The following MOB1B variants were observed in gnomAD, a reference collection of about 807,000 sequenced individuals.
MOB1B encodes the protein MOB kinase activator 1B.
In MOB1B, 19 loss-of-function variants were observed where a neutral mutation model predicts 24.4. That is an observed-to-expected ratio of 0.78 (90% CI 0.54 to 1.14). MOB1B has a LOEUF of 1.14. Ranked by LOEUF, MOB1B falls within the 50% of genes most tolerant of loss-of-function variation. The probability of loss-of-function intolerance (pLI) is 0.00; values close to 1 mark genes in which losing one functional copy is unlikely to be tolerated. For missense variants in MOB1B, 243 were observed against 259.6 expected (o/e 0.94, Z 0.44); for synonymous variants, 76 against 82.1 (o/e 0.93, Z 0.40).
At chr4:70,957,979 T>TATACAC (rs1738138841) in intron 1 of MOB1B, among the ~76,000 whole-genome samples, 1 of 151,910 alleles carries the variant, frequency 6.6e-6, no homozygotes, top group Admixed American at 6.6e-5. Context: ...TATGTGTATA[T>TATACAC]ATACACATAC....
intron 1 of MOB1B, among the ~76,000 whole-genome samples, chr4:70,929,946 C>T (rs1170992191): frequency 2.0e-5 from 3 of 152,042 alleles, no homozygotes; most frequent in Non-Finnish European, 4.4e-5. Context: ...GTAGAGACAG[C>T]GTCTCCCTAT....
At chr4:70,977,328 T>A (rs1739046752) in intron 4 of MOB1B, among the ~76,000 whole-genome samples, 1 of 152,190 alleles carries the variant, frequency 6.6e-6, no homozygotes, top group Admixed American at 6.5e-5. Flanking sequence ...ATAGATTGTC[T>A]TTTCACTTTG....
Position 70,902,442 on chromosome 4 carries a change from T to G in MOB1B, c.-95T>G. On this transcript the variant is annotated 5_prime_UTR_variant, in exon 1 of 6. Coordinates refer to ENST00000309395, the MANE Select transcript of MOB1B (RefSeq NM_173468.4). ...CTCGGCACCTCCTCCTCCGCCTCCC[T>G]GTCTCCTGTTCCATTCGCCTTTCCT... The G allele has an allele frequency of 1.5e-6, 2 of 1,361,068 alleles. No homozygotes were observed. The highest frequency in any genetic ancestry group is 2.5e-5 in the South Asian group (2 of 80,428). The allele number at this position is 1,361,068 out of a possible 1,614,324, so 84.3% of individuals were successfully genotyped here. A position where few individuals can be genotyped will look rare whatever the true frequency, so the allele number is the denominator to read the frequency against.
chr4:70,926,966 C>T (rs372170661), intron 1 of MOB1B, among the ~76,000 whole-genome samples: 24 of 148,980 alleles, frequency 1.6e-4, no homozygotes, highest in Middle Eastern at 3.5e-3. Context: ...CACTGCACTC[C>T]GGCCTGGGCA....
intron 2 of MOB1B, among the ~76,000 whole-genome samples, chr4:70,967,118 C>T (rs949327617): frequency 6.6e-6 from 1 of 150,708 alleles, no homozygotes. Context: ...TATCCACCAC[C>T]AATATGTTAC....
chr4:70,947,938 T>G (rs1737652888), intron 1 of MOB1B, among the ~76,000 whole-genome samples: 1 of 152,204 alleles, frequency 6.6e-6, no homozygotes, highest in South Asian at 2.1e-4. Flanking sequence ...TTTAATGAAG[T>G]CTAATTTATC....
intron 2 of MOB1B, among the ~76,000 whole-genome samples, chr4:70,967,915 A>G (rs573846214): frequency 2.0e-4 from 30 of 152,032 alleles, no homozygotes; most frequent in Non-Finnish European, 3.8e-4. Context: ...TGCAGCTTTG[A>G]ACTTTCCTGG....
At chr4:70,952,759 T>C (rs138926057) in intron 1 of MOB1B, among the ~76,000 whole-genome samples, 1 of 151,790 alleles carries the variant, frequency 6.6e-6, no homozygotes, top group East Asian at 1.9e-4. Flanking sequence ...GCATACTTTA[T>C]GTTTTTGAAA....
rs190723422 is a variant in MOB1B at position 70,948,955 on chromosome 4, A to T, written c.15-9919A>T. ...TCAGAAAAAGGCCACTCAGAAGGGT[A>T]TTGGGATTCACTTGTGCAAAGATCC... On this transcript the variant is annotated intron_variant, in intron 1 of 5. Transcript: ENST00000309395. Among the ~76,000 whole-genome samples, 356 of 152,210 alleles carry T rather than the reference A, an allele frequency of 2.3e-3. 4 individuals are homozygous for T. The highest frequency in any genetic ancestry group is 8.1e-3 in the African/African-American group (336 of 41,544).
intron 1 of MOB1B, among the ~76,000 whole-genome samples, chr4:70,957,920 A>T (rs1043853255): frequency 6.6e-6 from 1 of 151,906 alleles, no homozygotes; most frequent in Non-Finnish European, 1.5e-5. Context: ...CTTAAAAACT[A>T]TTAAAACCAC....
At chr4:70,920,522 G>A (rs1736391842) in intron 1 of MOB1B, among the ~76,000 whole-genome samples, 1 of 152,222 alleles carries the variant, frequency 6.6e-6, no homozygotes, top group Non-Finnish European at 1.5e-5. Context: ...ACTGAACCTG[G>A]CTTCTTATTA....
chr4:70,944,051 A>G (rs1358779274), intron 1 of MOB1B, among the ~76,000 whole-genome samples: 2 of 152,104 alleles, frequency 1.3e-5, no homozygotes, highest in Non-Finnish European at 2.9e-5. Context: ...AGATATCTGT[A>G]ATACTTTTTT....
At chr4:70,919,214 C>T (rs1345318260) in intron 1 of MOB1B, among the ~76,000 whole-genome samples, 2 of 151,426 alleles carry the variant, frequency 1.3e-5, no homozygotes, top group African/African-American at 2.4e-5. Flanking sequence ...TGCTAGATGA[C>T]GAGTTAGTGG....
At chr4:70,926,295 T>TAATTAAAAAAACTGAAG (rs1310738810) in intron 1 of MOB1B, among the ~76,000 whole-genome samples, 1 of 151,644 alleles carries the variant, frequency 6.6e-6, no homozygotes, top group Non-Finnish European at 1.5e-5. Context: ...AACTGAAGAT[T>TAATTAAAAAAACTGAAG]GTCATGGGAG....
intron 4 of MOB1B, among the ~76,000 whole-genome samples, chr4:70,978,093 C>T (rs1739072030): frequency 6.6e-6 from 1 of 152,150 alleles, no homozygotes; most frequent in Non-Finnish European, 1.5e-5. Context: ...TCACTTAGCT[C>T]CACCACTCCC....
At position 70,946,965 on chromosome 4, in the gene MOB1B, C is replaced by T. The variant is rs184428056; in HGVS notation, c.15-11909C>T. On this transcript the variant is annotated intron_variant, in intron 1 of 5. Transcript: ENST00000309395. ...TCTTTCACATTATATTGAGCGTTTG[C>T]TCTGTGATTGCTGCCTCAAAACTAG... 2.0e-3 allele frequency among the ~76,000 whole-genome samples: 297 copies of T among 152,288 alleles called. 2 individuals carry two copies. Among genetic ancestry groups the T allele is most frequent in the Admixed American group, 9.6e-3 (147 of 15,292 alleles).
At chr4:70,956,460 T>C (rs914268050) in intron 1 of MOB1B, among the ~76,000 whole-genome samples, 1 of 151,974 alleles carries the variant, frequency 6.6e-6, no homozygotes, top group Non-Finnish European at 1.5e-5. Flanking sequence ...GGACAGGGTT[T>C]TGCTCTATCA....
At chr4:70,943,704 A>G (rs1268913882) in intron 1 of MOB1B, among the ~76,000 whole-genome samples, 1 of 152,194 alleles carries the variant, frequency 6.6e-6, no homozygotes, top group African/African-American at 2.4e-5. Context: ...CTTGGTAAAT[A>G]TAGTAGTAGA....
At chr4:70,909,749 C>T (rs1248932173) in intron 1 of MOB1B, among the ~76,000 whole-genome samples, 3 of 150,318 alleles carry the variant, frequency 2.0e-5, no homozygotes, top group East Asian at 3.9e-4. Flanking sequence ...TTTTTTGAGA[C>T]GGAGTCTTGC....
Sources: allele counts gnomAD v4.1 joint callset (sites outside exome capture counted in the v4.1 genomes callset), GRCh38; gene constraint gnomAD v4.1.1; transcripts MANE v1.5; gene names NCBI Gene and HGNC (gene_info 2026-07-23, HGNC 2026-07-21).